Variants in SGCZ observed in about 807,000 individuals in gnomAD.
The protein encoded by SGCZ is sarcoglycan zeta.
Under a neutral mutation model 41.3 loss-of-function variants are expected in SGCZ, and 40 were observed. The ratio of observed to expected loss-of-function variants is 0.97; its 90% CI spans 0.75 to 1.26. SGCZ has a LOEUF of 1.26. SGCZ is among the 50% of genes most tolerant of loss of function. The pLI is 0.00. For synonymous variants in SGCZ, 206 were observed against 137.5 expected, an observed-to-expected ratio of 1.50 and a Z score of -3.49; for missense variants, 552 against 369.8, an observed-to-expected ratio of 1.49 and a Z score of -4.04.
chr8:14,616,728 CAGATCCCA>C (rs1406668193), intron 1 of SGCZ, among the ~76,000 whole-genome samples: 9 of 152,152 alleles, frequency 5.9e-5, no homozygotes, highest in African/African-American at 2.2e-4. Context: ...TAGATATAAC[CAGATCCCA>C]ATTTAAAACC....
intron 1 of SGCZ, among the ~76,000 whole-genome samples, chr8:14,661,777 T>C (rs1213822688): frequency 6.6e-6 from 1 of 151,938 alleles, no homozygotes; most frequent in Non-Finnish European, 1.5e-5. Context: ...AATTCCTAAT[T>C]CACAAAATGT....
At chr8:14,196,283 G>C (rs1476737765) in intron 4 of SGCZ, among the ~76,000 whole-genome samples, 1 of 143,690 alleles carries the variant, frequency 7.0e-6, no homozygotes, top group Non-Finnish European at 1.5e-5. Context: ...TTTTTTTAAA[G>C]ACGGAGTTTC....
intron 1 of SGCZ, among the ~76,000 whole-genome samples, chr8:14,977,912 T>C (rs1028000825): frequency 1.1e-3 from 124 of 110,684 alleles, no homozygotes; most frequent in East Asian, 2.6e-3. Context: ...CACACACACA[T>C]ATATACACAC....
intron 1 of SGCZ, among the ~76,000 whole-genome samples, chr8:14,618,811 A>G (rs1236208368): frequency 6.6e-6 from 1 of 152,192 alleles, no homozygotes; most frequent in Non-Finnish European, 1.5e-5. Flanking sequence ...ATGGACTGAA[A>G]GCATTCCTTA....
At chr8:14,613,351 T>C (rs2117346328) in intron 1 of SGCZ, among the ~76,000 whole-genome samples, 1 of 152,312 alleles carries the variant, frequency 6.6e-6, no homozygotes, top group Non-Finnish European at 1.5e-5. Context: ...GAACGTACGA[T>C]TGGAACCATT....
chr8:15,029,795 A>G (rs1020267784), intron 1 of SGCZ, among the ~76,000 whole-genome samples: 2 of 152,108 alleles, frequency 1.3e-5, no homozygotes, highest in African/African-American at 2.4e-5. Context: ...TTTATAATCT[A>G]TTTCAACACA....
intron 1 of SGCZ, among the ~76,000 whole-genome samples, chr8:14,573,167 C>T (rs966993353): frequency 6.7e-6 from 1 of 149,088 alleles, no homozygotes; most frequent in Non-Finnish European, 1.5e-5. Context: ...TTTAAATTTG[C>T]CTCCAAGCTT....
In SGCZ at chr8:14,441,710, A is replaced by C. The variant is rs34104768; in HGVS notation, c.234+113022T>G. 8.4e-3 allele frequency among the ~76,000 whole-genome samples: 1,285 copies of C among 152,332 alleles called. 9 individuals are homozygous for C. The highest frequency in any genetic ancestry group is 0.013 in the Non-Finnish European group (853 of 68,026). ...ATCTCACCACATGTAATTTGCAGTT[A>C]ATACATCAATGACTTGTGCTCTTCT... On this transcript the variant is annotated intron_variant, in intron 2 of 7. Transcript: ENST00000382080.
At chr8:14,112,077 C>T (rs929978220) in intron 5 of SGCZ, among the ~76,000 whole-genome samples, 2 of 151,876 alleles carry the variant, frequency 1.3e-5, no homozygotes, top group Non-Finnish European at 2.9e-5. Flanking sequence ...AGAGGTAGCA[C>T]AAGAAAAGGA....
intron 1 of SGCZ, among the ~76,000 whole-genome samples, chr8:15,145,945 A>G (rs925293881): frequency 5.3e-5 from 8 of 152,184 alleles, no homozygotes; most frequent in African/African-American, 1.9e-4. Context: ...ATAAACTCCA[A>G]AAAGGCAAAG....
At chr8:14,321,801 G>A (rs905216921) in intron 3 of SGCZ, among the ~76,000 whole-genome samples, 2 of 152,042 alleles carry the variant, frequency 1.3e-5, no homozygotes, top group Non-Finnish European at 2.9e-5. Flanking sequence ...ATGAAAATCC[G>A]TGAAAAGATT....
chr8:14,325,843 G>A lies in SGCZ; in HGVS notation c.235-1639C>T, dbSNP rs1436711290. Among the ~76,000 whole-genome samples the A allele has an allele frequency of 2.1e-5, 3 of 144,056 alleles. No homozygotes were observed. The Admixed American group carries it at 2.1e-4, about 10-fold the overall frequency. The allele number at this position is 144,056 out of a possible 152,430, so 94.5% of individuals were successfully genotyped here. On this transcript the variant is annotated intron_variant, in intron 2 of 7. Coordinates refer to ENST00000382080, the MANE Select transcript of SGCZ (RefSeq NM_139167.4). ...ATGAGGACGTGGGCCCGGCGCGGTG[G>A]CTCATGCCTGTAAAATCCCAGTACT...
intron 3 of SGCZ, among the ~76,000 whole-genome samples, chr8:14,294,924 T>G (rs909982207): frequency 2.0e-5 from 3 of 152,206 alleles, no homozygotes; most frequent in African/African-American, 2.4e-5. Context: ...GGCCAAGTAT[T>G]AACAGGTATG....
At chr8:15,206,684 T>G (rs1037690619) in intron 1 of SGCZ, among the ~76,000 whole-genome samples, 29 of 152,078 alleles carry the variant, frequency 1.9e-4, no homozygotes, top group African/African-American at 6.8e-4. Flanking sequence ...CCTGACATTG[T>G]GATCCACCCT....
intron 4 of SGCZ, among the ~76,000 whole-genome samples, chr8:14,170,657 T>C (rs1804351060): frequency 6.6e-6 from 1 of 152,172 alleles, no homozygotes; most frequent in African/African-American, 2.4e-5. Flanking sequence ...CAAAATATTG[T>C]TTTTACATTG....
rs547999308 is a variant in SGCZ at position 14,654,933 on chromosome 8, G to C, written c.40-100007C>G. Among the ~76,000 whole-genome samples, 53 of 152,044 alleles carry C rather than the reference G, an allele frequency of 3.5e-4. 1 individual carries two copies. Among genetic ancestry groups the C allele is most frequent in the African/African-American group, 1.2e-3 (50 of 41,448 alleles). Reference sequence around the variant, plus strand: ...ATTTTTCTCAGCCTCCCAAAGTGCTGGGACTACAGGCAGGAAGCCACTGCA... The same window carrying C: ...ATTTTTCTCAGCCTCCCAAAGTGCTCGGACTACAGGCAGGAAGCCACTGCA... On this transcript the variant is annotated intron_variant, in intron 1 of 7. Coordinates refer to ENST00000382080, the MANE Select transcript of SGCZ (RefSeq NM_139167.4).
intron 2 of SGCZ, among the ~76,000 whole-genome samples, chr8:14,468,357 T>G (rs1231167685): frequency 6.6e-6 from 1 of 152,084 alleles, no homozygotes; most frequent in Non-Finnish European, 1.5e-5. Context: ...AGAAGTAAAC[T>G]TTTATGATAT....
intron 1 of SGCZ, among the ~76,000 whole-genome samples, chr8:14,776,828 G>A (rs1294750580): frequency 2.6e-5 from 4 of 152,112 alleles, no homozygotes; most frequent in South Asian, 2.1e-4. Context: ...AGATCAAAAA[G>A]TAGAAATGGT....
intron 1 of SGCZ, among the ~76,000 whole-genome samples, chr8:14,953,477 T>C (rs1800705028): frequency 6.6e-6 from 1 of 152,088 alleles, no homozygotes; most frequent in South Asian, 2.1e-4. Context: ...CAACACATAT[T>C]ATCACCCCTC....
Sources: allele counts gnomAD v4.1 joint callset (sites outside exome capture counted in the v4.1 genomes callset), GRCh38; gene constraint gnomAD v4.1.1; transcripts MANE v1.5; gene names NCBI Gene and HGNC (gene_info 2026-07-23, HGNC 2026-07-21).